Variants in SPEF2 observed in about 807,000 individuals in gnomAD.
The protein encoded by SPEF2 is sperm flagella and cilia-associated protein 2.
SPEF2 carries 187 observed loss-of-function variants against 224.6 expected under a neutral mutation model. The ratio of observed to expected loss-of-function variants is 0.83; its 90% CI spans 0.74 to 0.94. The LOEUF (loss-of-function observed/expected upper bound fraction) is 0.94, where lower values mean the gene tolerates loss of function less well. Among genes scored for constraint, SPEF2 ranks in the 40% least tolerant of loss-of-function variants. The pLI, the probability that SPEF2 is intolerant of heterozygous loss-of-function variation, is 0.00. For synonymous variants in SPEF2, 715 were observed against 707.3 expected, an observed-to-expected ratio of 1.01 and a Z score of -0.17; for missense variants, 2,170 against 2,135.6, an observed-to-expected ratio of 1.02 and a Z score of -0.32.
intron 8 of SPEF2, 63 bp downstream of exon 8, chr5:35,659,270 G>T: frequency 2.1e-6 from 3 of 1,443,372 alleles, no homozygotes; most frequent in Non-Finnish European, 2.8e-6. Flanking sequence ...ACCAAGTCGT[G>T]GTAAACAAAG....
chr5:35,632,454 A>G (rs1385689000), intron 2 of SPEF2, among the ~76,000 whole-genome samples: 1 of 152,186 alleles, frequency 6.6e-6, no homozygotes. Flanking sequence ...AGCTGTCTCC[A>G]TGATCCAATC....
chr5:35,753,477 ATGAGCACATACAATACAGGAG>A, intron 23 of SPEF2, 126 bp from the exon 24 acceptor site: 1 of 1,007,106 alleles, frequency 9.9e-7, no homozygotes, highest in South Asian at 1.5e-5. Flanking sequence ...TATTGGTTGA[ATGAGCACATACAATACAGGAG>A]TGCAATTGGT....
At chr5:35,695,270 T>G (rs978782959) in intron 13 of SPEF2, among the ~76,000 whole-genome samples, 1 of 149,362 alleles carries the variant, frequency 6.7e-6, no homozygotes, top group African/African-American at 2.6e-5. Context: ...TTCTGGTTTT[T>G]TTTTTTTTTC....
Position 35,694,300 on chromosome 5 carries a change from G to A in SPEF2, c.1912G>A (p.Val638Ile). ...EIKESQDPQH[V>I]FSAGPVSDEV... ...TTTCTCTCCAAAGGATCCACAACAT[G>A]TATTTTCAGCTGGTCCAGTTTCAGA... Residue 638 changes from valine to isoleucine, a missense_variant, in exon 13 of 37, where the codon GTA becomes ATA. Val to Ile is a conservative substitution (Grantham distance 29, BLOSUM62 3). Transcript: ENST00000356031. 6.2e-7 allele frequency: 1 copy of A among 1,613,528 alleles called. No homozygotes were observed.
chr5:35,633,438 C>G (rs1745401738), intron 2 of SPEF2, among the ~76,000 whole-genome samples: 1 of 151,912 alleles, frequency 6.6e-6, no homozygotes, highest in Admixed American at 6.6e-5. Flanking sequence ...TTGCCTGATA[C>G]TATAGTCACT....
chr5:35,697,687 C>G lies in SPEF2; in HGVS notation c.2038-3C>G, dbSNP rs759642860. On this transcript the variant is annotated splice_polypyrimidine_tract_variant and splice_region_variant and intron_variant, in intron 14 of 36. Transcript: ENST00000356031. The stretch of plus-strand genomic sequence containing the variant: ...TTCTGTCATTTCTTGTTTATTTTCC[C>G]AGCTCACTACACGTGCTCAGCTTGG... 3 of 1,606,402 alleles carry G rather than the reference C, an allele frequency of 1.9e-6. No homozygotes were observed. The highest frequency in any genetic ancestry group is 1.3e-5 in the African/African-American group (1 of 74,244).
intron 21 of SPEF2, among the ~76,000 whole-genome samples, chr5:35,728,440 T>C (rs1745054253): frequency 6.6e-6 from 1 of 152,182 alleles, no homozygotes; most frequent in African/African-American, 2.4e-5. Context: ...GTCCTTCCTT[T>C]GAAACTTTTT....
chr5:35,680,960 A>G (rs1437334397), intron 10 of SPEF2, among the ~76,000 whole-genome samples: 5 of 152,218 alleles, frequency 3.3e-5, no homozygotes, highest in Non-Finnish European at 7.3e-5. Context: ...CAATGGAAAC[A>G]TGTAGACAGT....
At position 35,705,755 on chromosome 5, in the gene SPEF2, G is replaced by T; in HGVS notation, c.2612G>T (p.Cys871Phe). The change falls in exon 18 of 37, where the codon TGT becomes TTT. Residue 871 changes from cysteine (C) to phenylalanine (F), a missense_variant. Cys to Phe is a radical substitution (Grantham distance 205). Coordinates refer to ENST00000356031, the MANE Select transcript of SPEF2 (RefSeq NM_024867.4). ...GCTGAAATAGATAAGGAATCTTTAT[G>T]TGAAAAAGTAAAAGAAATTCTTACG... ...INAEIDKESL[C>F]EKVKEILTTE... The T allele has an allele frequency of 6.5e-7, 1 of 1,548,858 alleles. No homozygotes were observed. Among genetic ancestry groups the T allele is most frequent in the South Asian group, 1.2e-5 (1 of 83,646 alleles).
At chr5:35,722,283 G>A (rs531671988) in intron 20 of SPEF2, among the ~76,000 whole-genome samples, 4 of 151,898 alleles carry the variant, frequency 2.6e-5, no homozygotes, top group Non-Finnish European at 4.4e-5. Context: ...GGGACCATGC[G>A]TCCCAGCCCT....
In SPEF2 at chr5:35,779,202, T is replaced by G. The variant is rs769989892; in HGVS notation, c.4303T>G (p.Phe1435Val). ...QNELYLSQED[F>V]FINGNIKVFP... ...TGAACTTTATTTAAGCCAAGAAGAC[T>G]TCTTCATTAATGGCAATATAAAAGT... The change falls in exon 30 of 37, where the codon TTC becomes GTC. Residue 1435 changes from phenylalanine (F) to valine (V), a missense_variant. Transcript: ENST00000356031. 1 of 1,613,878 alleles carries G rather than the reference T, an allele frequency of 6.2e-7. No homozygotes were observed. Among genetic ancestry groups the G allele is most frequent in the Non-Finnish European group, 8.5e-7 (1 of 1,179,862 alleles).
At chr5:35,647,132 T>C (rs960105332) in intron 5 of SPEF2, among the ~76,000 whole-genome samples, 6 of 152,232 alleles carry the variant, frequency 3.9e-5, no homozygotes, top group Non-Finnish European at 8.8e-5. Context: ...TCATGTCTTA[T>C]CCATTGTGTT....
chr5:35,740,329 C>T (rs1747398800), intron 23 of SPEF2, 62 bp downstream of exon 23: 3 of 1,589,646 alleles, frequency 1.9e-6, no homozygotes, highest in South Asian at 2.2e-5. Context: ...TCCTGCAAAA[C>T]CCCAACTCAT....
chr5:35,807,530 C>A, intron 36 of SPEF2: 1 of 1,079,772 alleles, frequency 9.3e-7, no homozygotes, highest in Non-Finnish European at 1.4e-6. Context: ...TGACCCTAGC[C>A]TGTGATTGAA....
chr5:35,670,198 C>A lies in SPEF2; in HGVS notation c.1495C>A (p.Leu499Ile), dbSNP rs202107969. The change falls in exon 10 of 37, where the codon CTA becomes ATA. Residue 499 changes from leucine (L) to isoleucine (I), a missense_variant. By Grantham distance (5) the Leu-to-Ile change is conservative (BLOSUM62 2). Coordinates refer to ENST00000356031, the MANE Select transcript of SPEF2 (RefSeq NM_024867.4). Reference protein sequence around the residue: ...QLTELEKRDLLDTNDYEEYKN... With the variant: ...QLTELEKRDLIDTNDYEEYKN... ...TACAGAACTGGAGAAAAGGGACTTG[C>A]TAGATACCAATGATTATGAAGAATA... The A allele has an allele frequency of 1.8e-5, 29 of 1,611,010 alleles. No individual in the cohort carries two copies. The African/African-American group carries it at 3.6e-4, about 20-fold the overall frequency.
chr5:35,670,858 A>G, intron 10 of SPEF2: 1 of 984,272 alleles, frequency 1.0e-6, no homozygotes, highest in Non-Finnish European at 1.2e-6. Flanking sequence ...CAATTAATGG[A>G]AAGGGAATGC....
intron 8 of SPEF2, among the ~76,000 whole-genome samples, chr5:35,664,708 G>C (rs1750206624): frequency 6.7e-6 from 1 of 149,202 alleles, no homozygotes; most frequent in African/African-American, 2.5e-5. Context: ...AAGAGAGAGA[G>C]AGAGAGAGAG....
intron 30 of SPEF2, among the ~76,000 whole-genome samples, chr5:35,780,041 C>A (rs1162924705): frequency 6.6e-6 from 1 of 152,148 alleles, no homozygotes; most frequent in East Asian, 1.9e-4. Context: ...CTTTAAAGGT[C>A]TAGATACTGA....
chr5:35,707,797 C>A (rs1011914252), intron 18 of SPEF2, among the ~76,000 whole-genome samples: 1 of 152,136 alleles, frequency 6.6e-6, no homozygotes, highest in Non-Finnish European at 1.5e-5. Flanking sequence ...CAGAAATACA[C>A]AAGGCTCACT....
Sources: allele counts gnomAD v4.1 joint callset (sites outside exome capture counted in the v4.1 genomes callset), GRCh38; gene constraint gnomAD v4.1.1; transcripts MANE v1.5; gene names NCBI Gene and HGNC (gene_info 2026-07-23, HGNC 2026-07-21).